The following TMF1 variants were observed in gnomAD, a reference collection of about 807,000 sequenced individuals.
TMF1 encodes TATA element modulatory factor.
TMF1 carries 71 observed loss-of-function variants against 126.5 expected under a neutral mutation model. The observed-to-expected ratio is 0.56, with a 90% CI of 0.46 to 0.68. The LOEUF (loss-of-function observed/expected upper bound fraction) is 0.68, where lower values mean the gene tolerates loss of function less well. Among genes scored for constraint, TMF1 ranks in the 30% least tolerant of loss-of-function variants. TMF1 has a pLI of 0.00. For missense variants in TMF1, 1,259 were observed against 1,253.2 expected (o/e 1.00, Z -0.07); for synonymous variants, 461 against 430.5 (o/e 1.07, Z -0.88).
intron 13 of TMF1, 49 bp from the exon 14 acceptor site, chr3:69,026,146 G>A (rs2091766084): frequency 1.6e-6 from 2 of 1,244,036 alleles, no homozygotes; most frequent in Non-Finnish European, 2.4e-6. Flanking sequence ...AAAGAGATAA[G>A]CAGAGAAAGC....
rs573861707 is a variant in TMF1, at chr3:69,052,073, T to C, written c.14A>G (p.Asn5Ser). 8 of 1,611,552 alleles carry C rather than the reference T, an allele frequency of 5.0e-6. No individual in the cohort carries two copies. The highest frequency in any genetic ancestry group is 3.3e-4 in the Middle Eastern group (2 of 6,038). ...AGCGAAGCTGGAGAGCTGGGAGGCG[T>C]TGAACCAACTCATCGCCCCTCCTCA... is the stretch of plus-strand genomic sequence containing the variant. MSWFNASQLSSFAKQ... is the reference protein window; with the variant it reads MSWFSASQLSSFAKQ... Residue 5 changes from asparagine to serine, a missense_variant, in exon 1 of 17, where the codon AAC becomes AGC. Coordinates refer to ENST00000398559, the MANE Select transcript of TMF1 (RefSeq NM_007114.3).
intron 1 of TMF1, among the ~76,000 whole-genome samples, chr3:69,050,926 A>T (rs1055521120): frequency 3.9e-5 from 6 of 152,238 alleles, no homozygotes; most frequent in African/African-American, 1.4e-4. Flanking sequence ...CTTAAGAGTC[A>T]AAAGCAACTG....
In TMF1 at chr3:69,039,557, C is replaced by G. The variant is rs373996552; in HGVS notation, c.1821G>C (p.Leu607Phe). The part of the protein sequence containing the change: ...VKELEEELQH[L>F]KQVLDGKEEV... ...AATTATGATTGCTATTCACCTGTTTCAAATGCTGCAACTCCTCTTCTAGCT... is the reference window on the plus strand; with the variant it reads ...AATTATGATTGCTATTCACCTGTTTGAAATGCTGCAACTCCTCTTCTAGCT... The change falls in exon 6 of 17, where the codon TTG becomes TTC. Residue 607 changes from leucine (L) to phenylalanine (F), a missense_variant. Transcript: ENST00000398559. 8 of 1,611,030 alleles carry G rather than the reference C, an allele frequency of 5.0e-6. No individual in the cohort carries two copies. Among genetic ancestry groups the G allele is most frequent in the Non-Finnish European group, 6.8e-6 (8 of 1,179,396 alleles).
chr3:69,047,109 T>A (rs2091899615), intron 2 of TMF1, among the ~76,000 whole-genome samples: 1 of 152,168 alleles, frequency 6.6e-6, no homozygotes, highest in Admixed American at 6.5e-5. Context: ...AATAAAGATG[T>A]AAGATGAAAA....
chr3:69,040,162 C>G (rs576371207), intron 5 of TMF1, among the ~76,000 whole-genome samples: 1 of 152,254 alleles, frequency 6.6e-6, no homozygotes, highest in Admixed American at 6.5e-5. Flanking sequence ...GACAACTGCC[C>G]TAGACTCTAC....
rs369774520 is a variant in TMF1 at position 69,048,335 on chromosome 3, G to A, written c.370C>T (p.Arg124Ter). 5 of 1,614,024 alleles carry A rather than the reference G, an allele frequency of 3.1e-6. No homozygotes were observed. The highest frequency in any genetic ancestry group is 3.4e-6 in the Non-Finnish European group (4 of 1,180,030). The stretch of plus-strand genomic sequence containing the variant: ...CTGCTTTTCACTTCTTCTTCTGGTC[G>A]TTGTGATTTTGCTGGAGGTTTTGAT... The part of the protein sequence containing the change: ...VVSKPPAKSQ[R>*]PEEEVKSSLH... Residue 124 changes from arginine (R) to a stop codon, truncating the protein, a stop_gained, in exon 2 of 17, where the codon CGA becomes TGA. Coordinates refer to ENST00000398559, the MANE Select transcript of TMF1 (RefSeq NM_007114.3). LOFTEE classifies it high-confidence loss of function.
Position 69,042,914 on chromosome 3 carries a change from T to C in TMF1, c.1579-2A>G, listed in dbSNP as rs1407328817. On this transcript the variant is annotated splice_acceptor_variant, in intron 4 of 16. Transcript: ENST00000398559. LOFTEE classifies it high-confidence loss of function. ...TTCTTCTTTTATGTTTTTGATTTCCTAATAAAAAAGAAATCTGTGAATACC... is the reference window on the plus strand; with the variant it reads ...TTCTTCTTTTATGTTTTTGATTTCCCAATAAAAAAGAAATCTGTGAATACC... The C allele has an allele frequency of 6.3e-7, 1 of 1,593,674 alleles. No homozygotes were observed. Among genetic ancestry groups the C allele is most frequent in the Non-Finnish European group, 8.6e-7 (1 of 1,162,674 alleles).
Position 69,022,457 on chromosome 3 carries a change from T to A in TMF1, c.*720A>T, listed in dbSNP as rs754878017. ...TAAATAAATTTTCTCCATTATCCAATCACATCTAGATAACATTGAATATGT... is the reference window on the plus strand; with the variant it reads ...TAAATAAATTTTCTCCATTATCCAAACACATCTAGATAACATTGAATATGT... On this transcript the variant is annotated 3_prime_UTR_variant, in exon 17 of 17. Coordinates refer to ENST00000398559, the MANE Select transcript of TMF1 (RefSeq NM_007114.3). 5 of 152,590 alleles carry A rather than the reference T, an allele frequency of 3.3e-5. No homozygotes were observed. Among genetic ancestry groups the A allele is most frequent in the Admixed American group, 1.3e-4 (2 of 15,284 alleles). 9.5% of individuals were successfully genotyped at this position (152,590 alleles called of 1,614,324 possible).
chr3:69,050,610 T>A (rs570083202), intron 1 of TMF1, among the ~76,000 whole-genome samples: 1 of 152,352 alleles, frequency 6.6e-6, no homozygotes, highest in Admixed American at 6.5e-5. Flanking sequence ...ACCTATATTC[T>A]ATCTTATCTA....
At chr3:69,033,800 T>C (rs2091817819) in intron 9 of TMF1, 96 bp from the exon 10 acceptor site, 2 of 1,133,364 alleles carry the variant, frequency 1.8e-6, no homozygotes, top group Admixed American at 2.7e-5. Context: ...TGGAAAATTA[T>C]TTTTCCAAGA....
At position 69,052,036 on chromosome 3, in the gene TMF1, C is replaced by T. The variant is rs2091934066; in HGVS notation, c.51G>A (p.Leu17=). The T allele has an allele frequency of 1.2e-6, 2 of 1,613,822 alleles. No individual in the cohort carries two copies. Among genetic ancestry groups the T allele is most frequent in the Non-Finnish European group, 1.7e-6 (2 of 1,179,920 alleles). ...TGTCAATAGACTTCTGGGCCTGGGA[C>T]AGGGCCTGCTTAGCGAAGCTGGAGA... is the stretch of plus-strand genomic sequence containing the variant. ...SQLSSFAKQA[L]SQAQKSIDRV... The change falls in exon 1 of 17, where the codon CTG becomes CTA. Residue 17 remains leucine, a synonymous_variant. Transcript: ENST00000398559.
chr3:69,039,601 G>C lies in TMF1; in HGVS notation c.1777C>G (p.Leu593Val), dbSNP rs1381072211. ...TCTAGCTCTTTAACTTTTTTGTTCAGCTTTGCAACCATATTTTCATTCTCC... is the reference window on the plus strand; with the variant it reads ...TCTAGCTCTTTAACTTTTTTGTTCACCTTTGCAACCATATTTTCATTCTCC... Reference protein sequence around the residue: ...DKENENMVAKLNKKVKELEEE... With the variant: ...DKENENMVAKVNKKVKELEEE... Residue 593 changes from leucine to valine, a missense_variant, in exon 6 of 17, where the codon CTG becomes GTG. Leu to Val is a conservative substitution (Grantham distance 32). Coordinates refer to ENST00000398559, the MANE Select transcript of TMF1 (RefSeq NM_007114.3). The C allele has an allele frequency of 1.5e-5, 24 of 1,613,280 alleles. No homozygotes were observed. Among genetic ancestry groups the C allele is most frequent in the Non-Finnish European group, 1.8e-5 (21 of 1,179,832 alleles).
At position 69,022,325 on chromosome 3, in the gene TMF1, G is replaced by A. The variant is rs1407628663; in HGVS notation, c.*852C>T. ...AATATGAACAGGTAATTTTTAAAGA[G>A]TAAATTATGTTAAGAACTTTATTAT... On this transcript the variant is annotated 3_prime_UTR_variant, in exon 17 of 17. Transcript: ENST00000398559. 1 of 152,120 alleles carries A rather than the reference G, an allele frequency of 6.6e-6. No individual in the cohort carries two copies. Among genetic ancestry groups the A allele is most frequent in the African/African-American group, 2.4e-5 (1 of 41,426 alleles). The allele number at this position is 152,120 out of a possible 1,614,324, so 9.4% of individuals were successfully genotyped here. A position where few individuals can be genotyped will look rare whatever the true frequency, so the allele number is the denominator to read the frequency against.
intron 14 of TMF1, 59 bp from the exon 15 acceptor site, chr3:69,025,771 C>T: frequency 6.5e-7 from 1 of 1,546,416 alleles, no homozygotes; most frequent in East Asian, 2.3e-5. Flanking sequence ...TCTTCCATTA[C>T]CAGGTTCGAA....
chr3:69,024,425 G>T, intron 15 of TMF1: 1 of 232,156 alleles, frequency 4.3e-6, no homozygotes, highest in Non-Finnish European at 8.2e-6. Context: ...CCAATTATTT[G>T]TTTGAAAACA....
intron 1 of TMF1, among the ~76,000 whole-genome samples, chr3:69,050,722 C>T (rs2091922565): frequency 6.6e-6 from 1 of 152,178 alleles, no homozygotes; most frequent in East Asian, 1.9e-4. Context: ...TCATCACATA[C>T]ACACATGGAC....
intron 11 of TMF1, among the ~76,000 whole-genome samples, chr3:69,029,515 G>C (rs2091787873): frequency 1.3e-5 from 2 of 151,518 alleles, no homozygotes; most frequent in Middle Eastern, 7.0e-3. Context: ...TGGGATCTTG[G>C]CTCACTGCAA....
chr3:69,041,492 G>T (rs996439331), intron 5 of TMF1, among the ~76,000 whole-genome samples: 2 of 152,086 alleles, frequency 1.3e-5, no homozygotes, highest in Admixed American at 6.5e-5. Flanking sequence ...CCTTTCTCTG[G>T]AAATTTACTT....
rs2091909403 is a variant in TMF1 at position 69,048,550 on chromosome 3, G to A, written c.155C>T (p.Pro52Leu). The change falls in exon 2 of 17, where the codon CCT becomes CTT. Residue 52 changes from proline to leucine, a missense_variant. Coordinates refer to ENST00000398559, the MANE Select transcript of TMF1 (RefSeq NM_007114.3). ...IPYGEPGISS[P>L]VSGGWDTSTW... ...TGAAGTATCCCATCCTCCACTGACA[G>A]GGGAACTTATTCCTTTAACAAAAAA... 3.1e-6 allele frequency: 5 copies of A among 1,589,060 alleles called. No homozygotes were observed. The highest frequency in any genetic ancestry group is 4.3e-6 in the Non-Finnish European group (5 of 1,169,010).
Sources: allele counts gnomAD v4.1 joint callset (sites outside exome capture counted in the v4.1 genomes callset), GRCh38; gene constraint gnomAD v4.1.1; transcripts MANE v1.5; gene names NCBI Gene and HGNC (gene_info 2026-07-23, HGNC 2026-07-21).